Variants in MCCC1 observed in about 807,000 individuals in gnomAD.
MCCC1 encodes the protein methylcrotonyl-CoA carboxylase subunit 1.
A neutral mutation model predicts 83.8 loss-of-function variants in MCCC1; 64 were observed. That is an observed-to-expected ratio of 0.76 (90% confidence interval 0.62 to 0.94). The LOEUF is 0.94. MCCC1 is among the 40% of genes least tolerant of loss of function. The pLI is 0.00. For missense variants in MCCC1, 807 were observed against 904.7 expected (o/e 0.89, Z 1.39); for synonymous variants, 322 against 315.4 (o/e 1.02, Z -0.22).
At chr3:183,044,615 G>A (rs994792865) in intron 10 of MCCC1, among the ~76,000 whole-genome samples, 9 of 152,042 alleles carry the variant, frequency 5.9e-5, no homozygotes, top group Non-Finnish European at 1.2e-4. Flanking sequence ...ATCTGAAACC[G>A]AATGATGGCC....
intron 3 of MCCC1, among the ~76,000 whole-genome samples, chr3:183,087,970 G>A (rs978938464): frequency 1.3e-5 from 2 of 151,834 alleles, no homozygotes; most frequent in Non-Finnish European, 2.9e-5. Context: ...GAGGCTCTCA[G>A]GCACAGAAAA....
At chr3:183,031,916 G>A (rs905945216) in intron 14 of MCCC1, among the ~76,000 whole-genome samples, 5 of 150,310 alleles carry the variant, frequency 3.3e-5, no homozygotes, top group African/African-American at 4.9e-5. Context: ...CAATCCTCCC[G>A]CCTTGGCCTC....
chr3:183,071,125 G>C lies in MCCC1; in HGVS notation c.640-5C>G, dbSNP rs892786406. On this transcript the variant is annotated splice_polypyrimidine_tract_variant and splice_region_variant and intron_variant, in intron 6 of 18. Transcript: ENST00000265594. Reference sequence around the variant, plus strand: ...TGATCTAACAATCCTCATTCCCTAAGAGAGAAAAGATGATTATGACTACAA... The same window carrying C: ...TGATCTAACAATCCTCATTCCCTAACAGAGAAAAGATGATTATGACTACAA... 1 of 1,614,134 alleles carries C rather than the reference G, an allele frequency of 6.2e-7. No homozygotes were observed. The highest frequency in any genetic ancestry group is 1.1e-5 in the South Asian group (1 of 91,080).
At chr3:183,021,785 C>T (rs146006513) in intron 16 of MCCC1, among the ~76,000 whole-genome samples, 2 of 152,306 alleles carry the variant, frequency 1.3e-5, no homozygotes, top group East Asian at 3.9e-4. Context: ...AATTACTAGA[C>T]TACTAAAGGA....
chr3:183,100,315 AT>A (rs1228484873), upstream of MCCC1, among the ~76,000 whole-genome samples: 21 of 152,338 alleles, frequency 1.4e-4, no homozygotes, highest in African/African-American at 5.1e-4. Context: ...AGAAAATACA[AT>A]TTATCAAAAT....
chr3:183,106,600 G>A (rs1319235793), intron 1 of MCCC1, among the ~76,000 whole-genome samples: 1 of 151,986 alleles, frequency 6.6e-6, no homozygotes, highest in Non-Finnish European at 1.5e-5. Flanking sequence ...CCAGGTTCAA[G>A]CGATTCTACT....
chr3:183,104,518 A>G (rs1020577875), upstream of MCCC1, among the ~76,000 whole-genome samples: 3 of 152,234 alleles, frequency 2.0e-5, no homozygotes, highest in Admixed American at 6.5e-5. Flanking sequence ...AAATCTGCAC[A>G]GCAAAACATA....
intron 7 of MCCC1, among the ~76,000 whole-genome samples, chr3:183,069,527 C>T (rs1716501884): frequency 2.6e-5 from 4 of 151,970 alleles, no homozygotes. Context: ...ATGCCATGCT[C>T]AGGACAGTTG....
chr3:183,042,586 T>C (rs1402176527), intron 10 of MCCC1, among the ~76,000 whole-genome samples: 1 of 152,224 alleles, frequency 6.6e-6, no homozygotes, highest in Non-Finnish European at 1.5e-5. Flanking sequence ...AAAAGTTTCA[T>C]TTTTCTGAAT....
intron 13 of MCCC1, among the ~76,000 whole-genome samples, chr3:183,036,392 T>C (rs1157776812): frequency 6.6e-6 from 1 of 152,082 alleles, no homozygotes; most frequent in African/African-American, 2.4e-5. Flanking sequence ...TTAGATTGTC[T>C]TGAGACTCTG....
chr3:183,057,249 T>A, intron 8 of MCCC1, 62 bp downstream of exon 8: 1 of 1,311,818 alleles, frequency 7.6e-7, no homozygotes, highest in South Asian at 1.3e-5. Context: ...ATTTCTGATG[T>A]GAAAATCAGA....
intron 18 of MCCC1, chr3:183,016,346 T>G (rs1711618982): frequency 6.6e-6 from 1 of 152,498 alleles, no homozygotes; most frequent in African/African-American, 2.4e-5. Context: ...TTCTCCTGCC[T>G]CAGCCTCCTG....
intron 17 of MCCC1, 59 bp from the exon 18 acceptor site, chr3:183,017,396 T>A: frequency 6.8e-7 from 1 of 1,466,422 alleles, no homozygotes. Flanking sequence ...GATATGTTCA[T>A]CTGCTTCATT....
At chr3:183,097,288 C>G (rs558426251) in intron 1 of MCCC1, among the ~76,000 whole-genome samples, 1 of 152,128 alleles carries the variant, frequency 6.6e-6, no homozygotes, top group Admixed American at 6.5e-5. Flanking sequence ...CAAGGTAGCT[C>G]TATACCAGCT....
intron 10 of MCCC1, 95 bp from the exon 11 acceptor site, chr3:183,041,845 A>G: frequency 2.1e-6 from 3 of 1,419,048 alleles, no homozygotes; most frequent in Non-Finnish European, 2.0e-6. Context: ...GGTAAAATGT[A>G]CATTTAGGTT....
intron 9 of MCCC1, 63 bp downstream of exon 9, chr3:183,052,096 G>T: frequency 6.7e-7 from 1 of 1,481,514 alleles, no homozygotes; most frequent in Non-Finnish European, 9.4e-7. Flanking sequence ...TGTTTCTCTT[G>T]CCTTCTAAAA....
intron 9 of MCCC1, among the ~76,000 whole-genome samples, chr3:183,047,145 A>G (rs1012762305): frequency 2.6e-5 from 4 of 152,172 alleles, no homozygotes; most frequent in African/African-American, 9.7e-5. Context: ...GAGAAAAACT[A>G]TTTTATCAGA....
intron 7 of MCCC1, among the ~76,000 whole-genome samples, chr3:183,067,360 C>G (rs1460309744): frequency 6.6e-6 from 1 of 152,220 alleles, no homozygotes; most frequent in East Asian, 1.9e-4. Context: ...TCTTCTCTGA[C>G]ATTCCTTATG....
intron 7 of MCCC1, among the ~76,000 whole-genome samples, chr3:183,058,606 C>G (rs974769933): frequency 6.6e-6 from 1 of 152,076 alleles, no homozygotes; most frequent in Non-Finnish European, 1.5e-5. Flanking sequence ...TCCAGCCTGG[C>G]TGATAAAGTC....
Sources: gnomAD v4.1 joint callset for allele counts (sites outside exome capture counted in the v4.1 genomes callset) on GRCh38, gnomAD v4.1.1 for gene constraint, MANE v1.5 for transcripts, NCBI Gene and HGNC (gene_info 2026-07-23, HGNC 2026-07-21) for gene names.